ACKR2: variants seen among roughly 807,000 people sequenced by gnomAD.
ACKR2 encodes C-C chemokine receptor D6.
For synonymous variants in ACKR2, 207 were observed against 192.2 expected (o/e 1.08, Z -0.64); for missense variants, 457 against 477.3 (o/e 0.96, Z 0.40).
rs577528539 is a variant in ACKR2, at chr3:42,866,691, T to A, written c.*1034T>A. On this transcript the variant is annotated 3_prime_UTR_variant, in exon 3 of 3. Coordinates refer to ENST00000422265, the MANE Select transcript of ACKR2 (RefSeq NM_001296.5). ...TCAAAACACCAGATTACAACAAATTTAGTTTAAAGGTCTCAATTAGCGTTA... is the reference window on the plus strand; with the variant it reads ...TCAAAACACCAGATTACAACAAATTAAGTTTAAAGGTCTCAATTAGCGTTA... 1 of 167,026 alleles carries A rather than the reference T, an allele frequency of 6.0e-6. No homozygotes were observed. Among genetic ancestry groups the A allele is most frequent in the African/African-American group, 2.4e-5 (1 of 41,496 alleles). The allele number at this position is 167,026 out of a possible 1,614,324, so 10.3% of individuals were successfully genotyped here.
At chr3:42,816,738 A>C (rs1313377357) in intron 1 of ACKR2, among the ~76,000 whole-genome samples, 2 of 151,710 alleles carry the variant, frequency 1.3e-5, no homozygotes, top group Non-Finnish European at 2.9e-5. Flanking sequence ...TTCTATTTTT[A>C]GTAGAGACAG....
chr3:42,828,092 A>ATATATATATATTTTTT (rs1193533555), intron 2 of ACKR2, among the ~76,000 whole-genome samples: 6 of 121,900 alleles, frequency 4.9e-5, no homozygotes, highest in African/African-American at 1.6e-4. Flanking sequence ...ATATATATAT[A>ATATATATATATTTTTT]TTTTTTTTTT....
intron 2 of ACKR2, among the ~76,000 whole-genome samples, chr3:42,823,620 C>T (rs944117952): frequency 3.3e-5 from 5 of 152,194 alleles, no homozygotes; most frequent in African/African-American, 1.2e-4. Flanking sequence ...GTGTGCTCTT[C>T]TAAGCCATGC....
At chr3:42,856,022 ACTC>A (rs1282917896) in intron 2 of ACKR2, 2 of 249,300 alleles carry the variant, frequency 8.0e-6, no homozygotes, top group Non-Finnish European at 1.5e-5. Flanking sequence ...ACCCGAGTAT[ACTC>A]CTCACATCCT....
intron 1 of ACKR2, 26 bp downstream of exon 1, chr3:42,809,558 T>C (rs1242928594): frequency 6.6e-6 from 1 of 152,176 alleles, no homozygotes; most frequent in Non-Finnish European, 1.5e-5. Context: ...TATGGCCAAT[T>C]CTTAGACAAA....
chr3:42,847,842 C>A (rs1039791862), intron 2 of ACKR2, among the ~76,000 whole-genome samples: 9 of 152,206 alleles, frequency 5.9e-5, no homozygotes, highest in Non-Finnish European at 8.8e-5. Flanking sequence ...ACTCCTCCGA[C>A]TGCAACCTGC....
At chr3:42,831,623 C>A (rs564926332) in intron 2 of ACKR2, among the ~76,000 whole-genome samples, 1 of 152,330 alleles carries the variant, frequency 6.6e-6, no homozygotes, top group Non-Finnish European at 1.5e-5. Context: ...CCAGTAGCTG[C>A]AATCGCACCC....
intron 2 of ACKR2, among the ~76,000 whole-genome samples, chr3:42,833,401 G>A (rs575539957): frequency 5.9e-5 from 9 of 151,960 alleles, no homozygotes; most frequent in Non-Finnish European, 1.2e-4. Flanking sequence ...GGTTTTGGGG[G>A]AACAGATAGT....
intron 2 of ACKR2, among the ~76,000 whole-genome samples, chr3:42,826,874 A>G (rs570340804): frequency 6.6e-6 from 1 of 152,256 alleles, no homozygotes; most frequent in Non-Finnish European, 1.5e-5. Context: ...ATTTCTCTCT[A>G]AGCATTGCTT....
At chr3:42,860,414 A>T (rs1298289733) in intron 2 of ACKR2, among the ~76,000 whole-genome samples, 1 of 152,044 alleles carries the variant, frequency 6.6e-6, no homozygotes, top group African/African-American at 2.4e-5. Flanking sequence ...AGACTTTAAC[A>T]CCCCACTGTC....
chr3:42,854,367 A>C (rs1189509868), intron 2 of ACKR2, among the ~76,000 whole-genome samples: 4 of 152,194 alleles, frequency 2.6e-5, no homozygotes, highest in African/African-American at 9.7e-5. Context: ...CAGATGCCAT[A>C]TGACTGGCTC....
rs566826477 is a variant in ACKR2, at chr3:42,857,038, G to A, written c.-37-7428G>A. Among the ~76,000 whole-genome samples, 7 of 151,942 alleles carry A rather than the reference G, an allele frequency of 4.6e-5. No individual in the cohort carries two copies. In the South Asian group the frequency reaches 8.3e-4, roughly 18 times the overall value. On this transcript the variant is annotated intron_variant, in intron 2 of 2. Coordinates refer to ENST00000422265, the MANE Select transcript of ACKR2 (RefSeq NM_001296.5). ...TCACTGCCTTAGAGGACACTTAACCGTGGACAGTGACTTGTCCCATCTCCA... is the reference window on the plus strand; with the variant it reads ...TCACTGCCTTAGAGGACACTTAACCATGGACAGTGACTTGTCCCATCTCCA...
intron 2 of ACKR2, among the ~76,000 whole-genome samples, chr3:42,859,171 G>A (rs541156026): frequency 6.6e-6 from 1 of 152,194 alleles, no homozygotes; most frequent in East Asian, 1.9e-4. Context: ...AGGAAATACA[G>A]AGAACACCAC....
chr3:42,860,164 C>A (rs199622130), intron 2 of ACKR2, among the ~76,000 whole-genome samples: 82 of 8,044 alleles, frequency 0.01, no homozygotes, highest in South Asian at 0.04. Context: ...AAATGGAAAG[C>A]AAAAAAAAAA....
chr3:42,810,267 G>A (rs530094989), intron 1 of ACKR2, among the ~76,000 whole-genome samples: 2 of 152,182 alleles, frequency 1.3e-5, no homozygotes, highest in African/African-American at 4.8e-5. Context: ...GATGAGTTAG[G>A]AGTCAACTAA....
Position 42,853,015 on chromosome 3 carries a change from G to A in ACKR2, c.-37-11451G>A, listed in dbSNP as rs945799841. ...GATACCTGTTCACCCCTTCACGAGGGAGCCAGGAAGACACAGCAATGACTG... is the reference window on the plus strand; with the variant it reads ...GATACCTGTTCACCCCTTCACGAGGAAGCCAGGAAGACACAGCAATGACTG... On this transcript the variant is annotated intron_variant, in intron 2 of 2. Transcript: ENST00000422265. Among the ~76,000 whole-genome samples the A allele has an allele frequency of 2.0e-5, 3 of 152,238 alleles. No individual in the cohort carries two copies. In the South Asian group the frequency reaches 6.2e-4, roughly 32 times the overall value.
At chr3:42,819,964 A>G (rs111226000) in intron 2 of ACKR2, among the ~76,000 whole-genome samples, 10,491 of 152,190 alleles carry the variant, frequency 0.069, 767 homozygotes, top group African/African-American at 0.18. Flanking sequence ...AGAATGAGGT[A>G]CCTCTTCTGG....
intron 2 of ACKR2, among the ~76,000 whole-genome samples, chr3:42,838,920 A>C (rs948874429): frequency 3.9e-5 from 6 of 152,244 alleles, no homozygotes; most frequent in Non-Finnish European, 5.9e-5. Flanking sequence ...GCCAAAGTCA[A>C]ACGTCCTCGA....
At chr3:42,813,291 G>GT (rs1700714137) in intron 1 of ACKR2, among the ~76,000 whole-genome samples, 1 of 152,136 alleles carries the variant, frequency 6.6e-6, no homozygotes, top group South Asian at 2.1e-4. Flanking sequence ...TCTTGGTTCA[G>GT]TTTGCCCTAC....
Sources: allele counts gnomAD v4.1 joint callset (sites outside exome capture counted in the v4.1 genomes callset), GRCh38; gene constraint gnomAD v4.1.1; transcripts MANE v1.5; gene names NCBI Gene and HGNC (gene_info 2026-07-23, HGNC 2026-07-21).